ITGA4: variants seen among roughly 807,000 people sequenced by gnomAD.
The protein encoded by ITGA4 is integrin alpha-4.
ITGA4 carries 63 observed loss-of-function variants against 133.6 expected under a neutral mutation model. The observed-to-expected ratio is 0.47, with a 90% CI of 0.38 to 0.58. ITGA4 has a LOEUF of 0.58. ITGA4 is among the 20% of genes least tolerant of loss of function. The pLI, the probability that ITGA4 is intolerant of heterozygous loss-of-function variation, is 0.00. For missense variants in ITGA4, 1,076 were observed against 1,252.7 expected (o/e 0.86, Z 2.13); for synonymous variants, 483 against 438.0 (o/e 1.10, Z -1.28).
At chr2:181,500,365 G>C (rs1686242602) in intron 15 of ITGA4, among the ~76,000 whole-genome samples, 1 of 152,214 alleles carries the variant, frequency 6.6e-6, no homozygotes, top group East Asian at 1.9e-4. Context: ...TACTTAAGAA[G>C]GTATAGGAAT....
Position 181,530,556 on chromosome 2 carries a change from T to C in ITGA4, c.2571T>C (p.Tyr857=). Residue 857 remains tyrosine (Y), a synonymous_variant, in exon 24 of 28, where the codon TAT becomes TAC. Transcript: ENST00000397033. ...TTTGECHFEN[Y]QRVCALEQQK... ...CTGGAGAATGCCACTTTGAAAATTA[T>C]CAAAGAGTGTGTGCATTAGAGCAGC... 6.2e-7 allele frequency: 1 copy of C among 1,613,276 alleles called. No homozygotes were observed.
At chr2:181,484,370 A>G (rs1685868590) in intron 9 of ITGA4, among the ~76,000 whole-genome samples, 1 of 152,160 alleles carries the variant, frequency 6.6e-6, no homozygotes, top group African/African-American at 2.4e-5. Context: ...GGAATACTTG[A>G]AGAAGAGTGA....
At chr2:181,498,138 A>G (rs1035720339) in intron 14 of ITGA4, 8 of 152,162 alleles carry the variant, frequency 5.3e-5, no homozygotes, top group Non-Finnish European at 1.0e-4. Context: ...CACTTCATGT[A>G]TAAAAAAAAG....
In ITGA4 at chr2:181,487,840, G is replaced by A. The variant is rs146893698; in HGVS notation, c.1153+1848G>A. ...TACTTGAAAACATAAGCCTTATTTC[G>A]TGGCAAGTTTAAGGGTTCTACCTAA... is the stretch of plus-strand genomic sequence containing the variant. On this transcript the variant is annotated intron_variant, in intron 10 of 27. Coordinates refer to ENST00000397033, the MANE Select transcript of ITGA4 (RefSeq NM_000885.6). Among the ~76,000 whole-genome samples the A allele has an allele frequency of 2.4e-3, 361 of 152,188 alleles. 4 individuals are homozygous for A. The highest frequency in any genetic ancestry group is 7.1e-3 in the African/African-American group (295 of 41,524).
chr2:181,525,449 T>G (rs1259813885), intron 21 of ITGA4, among the ~76,000 whole-genome samples, 158 bp downstream of exon 21: 1 of 152,182 alleles, frequency 6.6e-6, no homozygotes, highest in African/African-American at 2.4e-5. Context: ...CTTACTTAGC[T>G]GTCCATTATA....
At chr2:181,478,258 A>G (rs189965583) in intron 4 of ITGA4, among the ~76,000 whole-genome samples, 1 of 150,540 alleles carries the variant, frequency 6.6e-6, no homozygotes, top group African/African-American at 2.5e-5. Context: ...TGTAGGATGA[A>G]TAAGTCTAGA....
At chr2:181,489,803 A>C (rs1469407074) in intron 10 of ITGA4, among the ~76,000 whole-genome samples, 2 of 152,158 alleles carry the variant, frequency 1.3e-5, no homozygotes, top group African/African-American at 4.8e-5. Flanking sequence ...CACCCCACAC[A>C]ACCTCTTTCC....
intron 14 of ITGA4, among the ~76,000 whole-genome samples, chr2:181,496,301 T>C (rs1363686504): frequency 6.6e-6 from 1 of 152,140 alleles, no homozygotes; most frequent in Non-Finnish European, 1.5e-5. Context: ...CCAGGCATGG[T>C]AGCTCATGTC....
At chr2:181,480,849 A>G (rs1036906514) in intron 6 of ITGA4, among the ~76,000 whole-genome samples, 1 of 152,118 alleles carries the variant, frequency 6.6e-6, no homozygotes, top group African/African-American at 2.4e-5. Flanking sequence ...CTGTCATCTC[A>G]TAAGTCAATA....
intron 6 of ITGA4, 121 bp downstream of exon 6, chr2:181,480,387 T>G: frequency 1.0e-5 from 5 of 497,870 alleles, no homozygotes; most frequent in Non-Finnish European, 1.0e-5. Flanking sequence ...CAGTAATAAT[T>G]AGGCAGTTCA....
In ITGA4 at chr2:181,526,821, C is replaced by CTTTTTTTTTTTTTTTTTTTTTTTTT. The variant is rs538208494; in HGVS notation, c.2340-468_2340-444dup. Among the ~76,000 whole-genome samples the CTTTTTTTTTTTTTTTTTTTTTTTTT allele has an allele frequency of 2.0e-4, 8 of 41,008 alleles. 3 individuals are homozygous for CTTTTTTTTTTTTTTTTTTTTTTTTT. The highest frequency in any genetic ancestry group is 4.0e-4 in the Admixed American group (1 of 2,500). 26.9% of individuals were successfully genotyped at this position (41,008 alleles called of 152,430 possible). ...TGTCACCCAGGTCAGAGCACATGGC[C>CTTTTTTTTTTTTTTTTTTTTTTTTT]TTTTTTTTTTTTTTTTTTTTTTTTT... On this transcript the variant is annotated intron_variant, in intron 21 of 27. Transcript: ENST00000397033.
chr2:181,482,558 T>A lies in ITGA4; in HGVS notation c.948T>A (p.Asn316Lys). The A allele has an allele frequency of 6.2e-7, 1 of 1,613,902 alleles. No individual in the cohort carries two copies. Among genetic ancestry groups the A allele is most frequent in the East Asian group, 2.2e-5 (1 of 44,872 alleles). Residue 316 changes from asparagine (N) to lysine (K), a missense_variant, in exon 9 of 28, where the codon AAT becomes AAA. Asn to Lys is a moderately conservative substitution (Grantham distance 94). This residue lies in a region of ITGA4 where 436 missense variants were observed against 590.7 expected (regional missense o/e 0.74). Coordinates refer to ENST00000397033, the MANE Select transcript of ITGA4 (RefSeq NM_000885.6). ...FGASVCAVDL[N>K]ADGFSDLLVG... is the part of the protein sequence containing the mutation. Reference sequence around the variant, plus strand: ...CTTCTGTCTGTGCTGTGGACCTCAATGCAGATGGCTTCTCAGATCTGCTCG... The same window carrying A: ...CTTCTGTCTGTGCTGTGGACCTCAAAGCAGATGGCTTCTCAGATCTGCTCG...
At chr2:181,507,613 C>T (rs1010340582) in intron 15 of ITGA4, among the ~76,000 whole-genome samples, 18 of 152,164 alleles carry the variant, frequency 1.2e-4, no homozygotes, top group African/African-American at 4.3e-4. Context: ...TCCTCAAGTC[C>T]CTTATATAAA....
chr2:181,530,753 G>C lies in ITGA4; in HGVS notation c.2664+104G>C, dbSNP rs1686928496. On this transcript the variant is annotated intron_variant, in intron 24 of 27. Coordinates refer to ENST00000397033, the MANE Select transcript of ITGA4 (RefSeq NM_000885.6). ...GAGCTGTCACTTCAATAATAAGAGA[G>C]AAGACAAGTTTAGGTAGTATTCTTG... The C allele has an allele frequency of 4.8e-6, 5 of 1,049,760 alleles. No individual in the cohort carries two copies. The Admixed American group carries it at 8.0e-5, about 17-fold the overall frequency. 65.0% of individuals were successfully genotyped at this position (1,049,760 alleles called of 1,614,324 possible).
At position 181,536,286 on chromosome 2, in the gene ITGA4, C is replaced by G. The variant is rs1687084675; in HGVS notation, c.*759C>G. 6.6e-6 allele frequency: 1 copy of G among 151,578 alleles called. No individual in the cohort carries two copies. Among genetic ancestry groups the G allele is most frequent in the African/African-American group, 2.4e-5 (1 of 41,062 alleles). The allele number at this position is 151,578 out of a possible 1,614,324, so 9.4% of individuals were successfully genotyped here. ...ATATTTACCATTCTTCCTATCTATT[C>G]TTCCTATAACACACCTTTATCAAGC... is the stretch of plus-strand genomic sequence containing the variant. On this transcript the variant is annotated 3_prime_UTR_variant, in exon 28 of 28. Coordinates refer to ENST00000397033, the MANE Select transcript of ITGA4 (RefSeq NM_000885.6).
chr2:181,508,041 A>T (rs1388690234), intron 15 of ITGA4, among the ~76,000 whole-genome samples: 1 of 152,140 alleles, frequency 6.6e-6, no homozygotes, highest in African/African-American at 2.4e-5. Context: ...TGAGGATAGC[A>T]AGTAATCAAA....
At chr2:181,480,321 G>C in intron 6 of ITGA4, 55 bp downstream of exon 6, 1 of 926,458 alleles carries the variant, frequency 1.1e-6, no homozygotes, top group Non-Finnish European at 1.5e-6. Flanking sequence ...TACTAGTACT[G>C]TAATTATAAA....
At position 181,537,460 on chromosome 2, in the gene ITGA4, C is replaced by T. The variant is rs1687200726; in HGVS notation, c.*1933C>T. The T allele has an allele frequency of 2.2e-6, 1 of 448,932 alleles. No homozygotes were observed. Among genetic ancestry groups the T allele is most frequent in the South Asian group, 1.6e-5 (1 of 63,984 alleles). The allele number at this position is 448,932 out of a possible 1,614,324, so 27.8% of individuals were successfully genotyped here. ...TTGTATCATGAATTTTAAAACCCTA[C>T]CACTTTAAGAAGACAGGGATGGGTT... On this transcript the variant is annotated 3_prime_UTR_variant, in exon 28 of 28. Coordinates refer to ENST00000397033, the MANE Select transcript of ITGA4 (RefSeq NM_000885.6).
rs2105776336 is a variant in ITGA4 at position 181,535,541 on chromosome 2, A to T, written c.*14A>T. ...AATGATGATTAAGGACTTCTTTCAA[A>T]TTGAGAGAATGGAAAACAGACTCAG... is the stretch of plus-strand genomic sequence containing the variant. On this transcript the variant is annotated 3_prime_UTR_variant, in exon 28 of 28. Coordinates refer to ENST00000397033, the MANE Select transcript of ITGA4 (RefSeq NM_000885.6). The T allele has an allele frequency of 6.3e-7, 1 of 1,588,188 alleles. No individual in the cohort carries two copies. Among genetic ancestry groups the T allele is most frequent in the Non-Finnish European group, 8.6e-7 (1 of 1,169,014 alleles).
Sources: gnomAD v4.1 joint callset for allele counts (sites outside exome capture counted in the v4.1 genomes callset) on GRCh38, gnomAD v4.1.1 for gene constraint, gnomAD v4.1.1 regional missense constraint, MANE v1.5 for transcripts, NCBI Gene and HGNC (gene_info 2026-07-23, HGNC 2026-07-21) for gene names.